Variants in FGD4 observed in about 807,000 individuals in gnomAD.
The protein encoded by FGD4 is FYVE, RhoGEF and PH domain-containing protein 4.
A neutral mutation model predicts 102.0 loss-of-function variants in FGD4; 42 were observed. That is an observed-to-expected ratio of 0.41 (90% CI 0.32 to 0.53). The LOEUF is 0.53. Among genes scored for constraint, FGD4 ranks in the 20% least tolerant of loss-of-function variants. FGD4 has a pLI of 0.21. For missense variants in FGD4, 902 were observed against 1,078.2 expected (o/e 0.84, Z 2.29); for synonymous variants, 380 against 375.7 (o/e 1.01, Z -0.13).
intron 1 of FGD4, among the ~76,000 whole-genome samples, chr12:32,481,810 G>C (rs1379878590): frequency 1.7e-5 from 2 of 116,750 alleles, no homozygotes; most frequent in Non-Finnish European, 3.8e-5. Context: ...GACAGAGCAA[G>C]ACTGTCTCAA....
intron 1 of FGD4, among the ~76,000 whole-genome samples, chr12:32,543,168 T>C (rs1022991344): frequency 6.6e-6 from 1 of 152,176 alleles, no homozygotes; most frequent in African/African-American, 2.4e-5. Context: ...TACTGACATT[T>C]GCTTGTTTAT....
chr12:32,513,980 A>T (rs988250891), intron 1 of FGD4, among the ~76,000 whole-genome samples: 31 of 152,228 alleles, frequency 2.0e-4, no homozygotes, highest in African/African-American at 7.2e-4. Context: ...TTTTATGAAA[A>T]AGTAAAGTGT....
At position 32,610,756 on chromosome 12, in the gene FGD4, T is replaced by G. The variant is rs1165527972; in HGVS notation, c.1544-20T>G. On this transcript the variant is annotated intron_variant, in intron 8 of 16. Coordinates refer to ENST00000534526, the MANE Select transcript of FGD4 (RefSeq NM_001370298.3). ...GAAGGACAAAGCATATTTATTTACTTTTCTTTTTTTCCCATTTAGAATCAC... is the reference window on the plus strand; with the variant it reads ...GAAGGACAAAGCATATTTATTTACTGTTCTTTTTTTCCCATTTAGAATCAC... The G allele has an allele frequency of 6.2e-7, 1 of 1,604,144 alleles. No individual in the cohort carries two copies. Among genetic ancestry groups the G allele is most frequent in the Non-Finnish European group, 8.5e-7 (1 of 1,172,808 alleles).
At chr12:32,626,456 A>G (rs951643411) in intron 14 of FGD4, among the ~76,000 whole-genome samples, 1 of 151,818 alleles carries the variant, frequency 6.6e-6, no homozygotes, top group South Asian at 2.1e-4. Context: ...GAAAAAAAAA[A>G]AAAAAAAAAG....
At chr12:32,596,938 A>G (rs1424221155) in intron 4 of FGD4, among the ~76,000 whole-genome samples, 1 of 151,674 alleles carries the variant, frequency 6.6e-6, no homozygotes, top group Non-Finnish European at 1.5e-5. Flanking sequence ...TCTGTCTTAA[A>G]AAAAAAAAAA....
At chr12:32,441,047 G>T (rs951276503) in intron 1 of FGD4, among the ~76,000 whole-genome samples, 1 of 152,288 alleles carries the variant, frequency 6.6e-6, no homozygotes, top group South Asian at 2.1e-4. Flanking sequence ...TCAGGGAAGT[G>T]GGCTCCCCTC....
chr12:32,596,585 T>G (rs901390160), intron 4 of FGD4, among the ~76,000 whole-genome samples: 6 of 151,900 alleles, frequency 3.9e-5, no homozygotes, highest in African/African-American at 9.7e-5. Context: ...ATGGAAAGTT[T>G]TTTTTTTTTT....
intron 2 of FGD4, among the ~76,000 whole-genome samples, chr12:32,569,244 C>G (rs1026309166): frequency 2.0e-5 from 3 of 152,154 alleles, no homozygotes; most frequent in Admixed American, 1.3e-4. Context: ...CTGCTTCTCC[C>G]CTGTTTTCCT....
chr12:32,625,540 G>A, intron 13 of FGD4, 114 bp from the exon 14 acceptor site: 1 of 1,354,806 alleles, frequency 7.4e-7, no homozygotes. Flanking sequence ...AAAGTGCTGG[G>A]ATTATAGTTC....
intron 1 of FGD4, among the ~76,000 whole-genome samples, chr12:32,526,410 C>T (rs1192234370): frequency 6.6e-6 from 1 of 152,228 alleles, no homozygotes; most frequent in Non-Finnish European, 1.5e-5. Flanking sequence ...CACTCTGTAT[C>T]TAGCTGCTCT....
chr12:32,467,738 G>T (rs112742745), intron 1 of FGD4, among the ~76,000 whole-genome samples: 14,551 of 151,908 alleles, frequency 0.096, 873 homozygotes, highest in Middle Eastern at 0.29. Context: ...ACTTTTGGCC[G>T]GGCTTGGTGG....
intron 8 of FGD4, 38 bp downstream of exon 8, chr12:32,608,133 T>A (rs1434940379): frequency 6.2e-7 from 1 of 1,613,466 alleles, no homozygotes; most frequent in Non-Finnish European, 8.5e-7. Flanking sequence ...TATTTTGGAA[T>A]AATCAAGTGG....
intron 1 of FGD4, among the ~76,000 whole-genome samples, chr12:32,493,008 C>A (rs1482626583): frequency 6.6e-6 from 1 of 152,130 alleles, no homozygotes; most frequent in African/African-American, 2.4e-5. Context: ...TATGGACACC[C>A]AGGCCTGCTG....
intron 14 of FGD4, among the ~76,000 whole-genome samples, chr12:32,630,271 A>G (rs1347739577): frequency 6.6e-6 from 1 of 152,222 alleles, no homozygotes; most frequent in Non-Finnish European, 1.5e-5. Context: ...AATTCTTCTC[A>G]GAGTATCTAC....
chr12:32,548,205 G>A (rs11052063), intron 1 of FGD4, among the ~76,000 whole-genome samples: 3 of 151,870 alleles, frequency 2.0e-5, no homozygotes, highest in Non-Finnish European at 2.9e-5. Flanking sequence ...GGGAGCATAC[G>A]CTAGTACCCT....
chr12:32,490,376 TA>T (rs1326905916), intron 1 of FGD4, among the ~76,000 whole-genome samples: 1 of 150,668 alleles, frequency 6.6e-6, no homozygotes, highest in East Asian at 2.0e-4. Context: ...ATATATATTG[TA>T]GGAAAAGAGA....
intron 1 of FGD4, among the ~76,000 whole-genome samples, chr12:32,468,412 C>T (rs989963762): frequency 6.6e-6 from 1 of 152,088 alleles, no homozygotes; most frequent in African/African-American, 2.4e-5. Flanking sequence ...CATGTAGCAG[C>T]TTATGATGTT....
chr12:32,586,228 T>A (rs192987403), intron 4 of FGD4, among the ~76,000 whole-genome samples: 2 of 152,298 alleles, frequency 1.3e-5, no homozygotes, highest in East Asian at 3.9e-4. Flanking sequence ...TTTGGAAGTT[T>A]AAAAAGTTTA....
intron 1 of FGD4, among the ~76,000 whole-genome samples, chr12:32,548,476 AT>A (rs1363002415): frequency 2.0e-5 from 3 of 152,180 alleles, no homozygotes; most frequent in Admixed American, 1.3e-4. Context: ...TATTCTCTGT[AT>A]TGGTAATTAT....
Sources: gnomAD v4.1 joint callset for allele counts (sites outside exome capture counted in the v4.1 genomes callset) on GRCh38, gnomAD v4.1.1 for gene constraint, MANE v1.5 for transcripts, NCBI Gene and HGNC (gene_info 2026-07-23, HGNC 2026-07-21) for gene names.